KMT2C: variants seen among roughly 807,000 people sequenced by gnomAD.
KMT2C encodes the protein histone-lysine N-methyltransferase 2C.
Under a neutral mutation model 507.9 loss-of-function variants are expected in KMT2C, and 88 were observed. The observed-to-expected ratio is 0.17, with a 90% CI of 0.15 to 0.21. KMT2C has a LOEUF of 0.21. Ranked by LOEUF, KMT2C falls within the 10% of genes least tolerant of loss-of-function variation. The probability of loss-of-function intolerance (pLI) is 1.00; values close to 1 mark genes in which losing one functional copy is unlikely to be tolerated. For missense variants in KMT2C, 4,954 were observed against 5,957.8 expected (o/e 0.83, Z 5.55); for synonymous variants, 2,049 against 2,080.8 (o/e 0.98, Z 0.42).
At chr7:152,401,142 A>G (rs1344182946) in intron 1 of KMT2C, among the ~76,000 whole-genome samples, 2 of 151,078 alleles carry the variant, frequency 1.3e-5, no homozygotes, top group Non-Finnish European at 2.9e-5. Context: ...CTGGAGTGCA[A>G]TGGCACCATC....
At chr7:152,372,797 G>T (rs1326169194) in intron 1 of KMT2C, among the ~76,000 whole-genome samples, 1 of 152,106 alleles carries the variant, frequency 6.6e-6, no homozygotes, top group African/African-American at 2.4e-5. Flanking sequence ...TTCGACAACG[G>T]ATAAATAATC....
At chr7:152,380,721 G>C (rs2097366573) in intron 1 of KMT2C, among the ~76,000 whole-genome samples, 1 of 152,190 alleles carries the variant, frequency 6.6e-6, no homozygotes, top group African/African-American at 2.4e-5. Flanking sequence ...CTAAGTAACA[G>C]AATGAGATCT....
intron 1 of KMT2C, among the ~76,000 whole-genome samples, chr7:152,422,861 A>C (rs902592332): frequency 2.0e-5 from 3 of 151,928 alleles, no homozygotes; most frequent in Non-Finnish European, 2.9e-5. Flanking sequence ...GTCTCTAATA[A>C]AAATACAAAA....
At chr7:152,283,631 A>AC (rs2129182683) in intron 6 of KMT2C, among the ~76,000 whole-genome samples, 1 of 152,292 alleles carries the variant, frequency 6.6e-6, no homozygotes, top group East Asian at 1.9e-4. Flanking sequence ...TAGTACATAT[A>AC]CCCCCAAGGT....
At position 152,262,447 on chromosome 7, in the gene KMT2C, G is replaced by A. The variant is rs535728945; in HGVS notation, c.1299+569C>T. ...TCCACTACCCCACTGCCCCCAACCC[G>A]GCTCTGAACGCCTCACCCTGAAGGG... On this transcript the variant is annotated intron_variant, in intron 9 of 58. Transcript: ENST00000262189. 7.9e-4 allele frequency among the ~76,000 whole-genome samples: 121 copies of A among 152,294 alleles called. 1 individual carries two copies. Among genetic ancestry groups the A allele is most frequent in the Middle Eastern group, 3.4e-3 (1 of 294 alleles).
intron 6 of KMT2C, among the ~76,000 whole-genome samples, chr7:152,282,730 A>T (rs2096241512): frequency 6.6e-6 from 1 of 151,994 alleles, no homozygotes; most frequent in Non-Finnish European, 1.5e-5. Context: ...CTGGGGCGCT[A>T]TTATTTGTTT....
chr7:152,394,919 C>T (rs2097527615), intron 1 of KMT2C, among the ~76,000 whole-genome samples: 1 of 152,110 alleles, frequency 6.6e-6, no homozygotes, highest in Non-Finnish European at 1.5e-5. Flanking sequence ...CCTGGACTTC[C>T]AGTCATGTGA....
chr7:152,417,221 C>A (rs970892108), intron 1 of KMT2C, among the ~76,000 whole-genome samples: 1 of 152,088 alleles, frequency 6.6e-6, no homozygotes, highest in South Asian at 2.1e-4. Flanking sequence ...CAGGTTCAAG[C>A]GACTCTCCTG....
intron 40 of KMT2C, among the ~76,000 whole-genome samples, chr7:152,170,030 C>A (rs2092893203): frequency 6.6e-6 from 1 of 152,054 alleles, no homozygotes; most frequent in African/African-American, 2.4e-5. Context: ...GAGCTGTATA[C>A]AAGGTAATAA....
rs2129202627 is a variant in KMT2C, at chr7:152,315,262, T to A, written c.466A>T (p.Thr156Ser). The A allele has an allele frequency of 6.2e-7, 1 of 1,613,932 alleles. No individual in the cohort carries two copies. The highest frequency in any genetic ancestry group is 8.5e-7 in the Non-Finnish European group (1 of 1,179,852). The change falls in exon 4 of 59, where the codon ACG becomes TCG. Residue 156 changes from threonine (T) to serine (S), a missense_variant. By Grantham distance (58) the Thr-to-Ser change is moderately conservative (BLOSUM62 1). Around this residue, in one of 29 missense-constraint regions of KMT2C, gnomAD observed 233 missense variants for 263.6 expected, o/e 0.88. Transcript: ENST00000262189. ...CTCCATGGCAAGATAAATCCAGGCG[T>A]TATTCTGAATTGTTTTAAGTCTCCT... ...GQGDLKQFRI[T>S]PGFILPWRNQ...
chr7:152,326,151 T>C (rs1303454022), intron 3 of KMT2C, among the ~76,000 whole-genome samples: 1 of 152,176 alleles, frequency 6.6e-6, no homozygotes, highest in Non-Finnish European at 1.5e-5. Context: ...AAGCAATCCT[T>C]CCTCTTCTTC....
In KMT2C at chr7:152,174,674, C is replaced by T. The variant is rs189654516; in HGVS notation, c.9263-432G>A. 1.6e-3 allele frequency among the ~76,000 whole-genome samples: 236 copies of T among 151,898 alleles called. 2 individuals carry two copies. Among genetic ancestry groups the T allele is most frequent in the African/African-American group, 5.3e-3 (221 of 41,404 alleles). On this transcript the variant is annotated intron_variant, in intron 38 of 58. Transcript: ENST00000262189. ...ATAACCTCTCAATAAGAAGCTACTA[C>T]GAAAAAACCTATTTGCATCTAAATG...
At chr7:152,288,856 A>T (rs1184686286) in intron 6 of KMT2C, among the ~76,000 whole-genome samples, 2 of 152,274 alleles carry the variant, frequency 1.3e-5, no homozygotes, top group Non-Finnish European at 2.9e-5. Flanking sequence ...ACCTGAAACC[A>T]TGGAGGCCAG....
intron 43 of KMT2C, among the ~76,000 whole-genome samples, chr7:152,161,526 T>G (rs1307744831): frequency 2.6e-5 from 4 of 151,998 alleles, no homozygotes; most frequent in Non-Finnish European, 5.9e-5. Context: ...CAGATTCTTG[T>G]AAAGGTATAT....
chr7:152,270,974 A>ACTGC (rs1367874990), intron 7 of KMT2C, among the ~76,000 whole-genome samples: 34 of 152,192 alleles, frequency 2.2e-4, no homozygotes, highest in African/African-American at 7.5e-4. Flanking sequence ...TCAGTCAACT[A>ACTGC]TCACAGCTAC....
chr7:152,435,734 G>C lies in KMT2C; in HGVS notation c.53C>G (p.Pro18Arg). Residue 18 changes from proline (P) to arginine (R), a missense_variant, in exon 1 of 59, where the codon CCC becomes CGC. Around this residue, in one of 29 missense-constraint regions of KMT2C, gnomAD observed 51 missense variants for 43.5 expected, o/e 1.17. Coordinates refer to ENST00000262189, the MANE Select transcript of KMT2C (RefSeq NM_170606.3). ...GGCCGGGGCTCCAGGCTCCTCGGGG[G>C]GTGGTGGCGGCGGCTGCGGCTGCTC... ...SVEQPQPPPPPPEEPGAPAPS... is the reference protein window; with the variant it reads ...SVEQPQPPPPRPEEPGAPAPS... The C allele has an allele frequency of 6.5e-7, 1 of 1,528,372 alleles. No homozygotes were observed. The highest frequency in any genetic ancestry group is 1.4e-5 in the African/African-American group (1 of 70,078). The allele number at this position is 1,528,372 out of a possible 1,614,324, so 94.7% of individuals were successfully genotyped here.
intron 1 of KMT2C, among the ~76,000 whole-genome samples, chr7:152,398,488 A>C (rs1354229765): frequency 6.6e-6 from 1 of 152,244 alleles, no homozygotes; most frequent in African/African-American, 2.4e-5. Flanking sequence ...ACAAAAGTCA[A>C]GGATACAGTA....
In KMT2C at chr7:152,220,655, C is replaced by A. The variant is rs1037513111; in HGVS notation, c.3580G>T (p.Val1194Phe). 3.7e-6 allele frequency: 6 copies of A among 1,611,812 alleles called. No individual in the cohort carries two copies. The highest frequency in any genetic ancestry group is 5.1e-6 in the Non-Finnish European group (6 of 1,179,718). ...MTQLQSLTVT[V>F]PRRKRSKPKL... ...GGTTTTGACCGTTTTCTTCTTGGAA[C>A]TGTAACTGTGAGGCTCTGTAACTGA... Residue 1194 changes from valine (V) to phenylalanine (F), a missense_variant, in exon 23 of 59, where the codon GTT (valine) becomes TTT (phenylalanine). Val to Phe is a conservative substitution (Grantham distance 50). Transcript: ENST00000262189.
chr7:152,345,031 C>G (rs2097043455), intron 2 of KMT2C, among the ~76,000 whole-genome samples: 1 of 151,644 alleles, frequency 6.6e-6, no homozygotes, highest in Non-Finnish European at 1.5e-5. Flanking sequence ...ACAAAAAGCA[C>G]AAAAAGAGTG....
Sources: gnomAD v4.1 joint callset for allele counts (sites outside exome capture counted in the v4.1 genomes callset) on GRCh38, gnomAD v4.1.1 for gene constraint, gnomAD v4.1.1 regional missense constraint, MANE v1.5 for transcripts, NCBI Gene and HGNC (gene_info 2026-07-23, HGNC 2026-07-21) for gene names.